Variants in COG3 observed in about 807,000 individuals in gnomAD.
The protein encoded by COG3 is component of oligomeric golgi complex 3.
Under a neutral mutation model 114.1 loss-of-function variants are expected in COG3, and 32 were observed. That is an observed-to-expected ratio of 0.28 (90% CI 0.21 to 0.38). The LOEUF (loss-of-function observed/expected upper bound fraction) is 0.38, where lower values mean the gene tolerates loss of function less well. Among genes scored for constraint, COG3 ranks in the 10% least tolerant of loss-of-function variants. The pLI is 1.00. For synonymous variants in COG3, 352 were observed against 365.7 expected, an observed-to-expected ratio of 0.96 and a Z score of 0.43; for missense variants, 813 against 973.2, an observed-to-expected ratio of 0.84 and a Z score of 2.19.
At chr13:45,523,307 A>T (rs538509437) in intron 19 of COG3, among the ~76,000 whole-genome samples, 3 of 152,008 alleles carry the variant, frequency 2.0e-5, no homozygotes, top group Admixed American at 6.5e-5. Context: ...ATAAACTTAA[A>T]TTTTTTTTCT....
Position 45,534,311 on chromosome 13 carries a change from G to A in COG3, c.2458-391G>A, listed in dbSNP as rs150409743. 7.2e-5 allele frequency among the ~76,000 whole-genome samples: 11 copies of A among 152,322 alleles called. No homozygotes were observed. The East Asian group carries it at 1.7e-3, about 24-fold the overall frequency. On this transcript the variant is annotated intron_variant, in intron 22 of 22. Transcript: ENST00000349995. ...TGCCATTATTCTCATTGGATTTTAA[G>A]TGATTTGATGGCCTAGGTTTGGTGA...
At chr13:45,473,955 C>T (rs941344570) in intron 1 of COG3, among the ~76,000 whole-genome samples, 2 of 152,228 alleles carry the variant, frequency 1.3e-5, no homozygotes, top group South Asian at 2.1e-4. Flanking sequence ...GATTGTGTTA[C>T]CATTCAGAAA....
intron 13 of COG3, among the ~76,000 whole-genome samples, chr13:45,502,205 T>C (rs1480262714): frequency 6.6e-6 from 1 of 152,220 alleles, no homozygotes; most frequent in Non-Finnish European, 1.5e-5. Flanking sequence ...ATCTAGTGAA[T>C]GGTGCTCCCT....
At chr13:45,519,713 T>C (rs1293436461) in intron 19 of COG3, among the ~76,000 whole-genome samples, 1 of 152,192 alleles carries the variant, frequency 6.6e-6, no homozygotes, top group East Asian at 1.9e-4. Flanking sequence ...ATGTTGAACG[T>C]TGAAGGAACG....
intron 20 of COG3, among the ~76,000 whole-genome samples, chr13:45,526,976 G>C (rs995611365): frequency 2.0e-5 from 3 of 152,182 alleles, no homozygotes; most frequent in Non-Finnish European, 4.4e-5. Context: ...ATAGGGCTTA[G>C]TTAGAAATAG....
chr13:45,535,083 C>T lies in COG3; in HGVS notation c.*352C>T, dbSNP rs1233142129. The T allele has an allele frequency of 9.5e-7, 1 of 1,050,524 alleles. No individual in the cohort carries two copies. 65.1% of individuals were successfully genotyped at this position (1,050,524 alleles called of 1,614,324 possible). On this transcript the variant is annotated 3_prime_UTR_variant, in exon 23 of 23. Coordinates refer to ENST00000349995, the MANE Select transcript of COG3 (RefSeq NM_031431.4). ...ACAATAAGTAGTGCAAAGAACTTTA[C>T]AGAAATCAAGCGAATTAGAAGGCCT... is the stretch of plus-strand genomic sequence containing the variant.
At chr13:45,502,092 G>A (rs1206558142) in intron 13 of COG3, among the ~76,000 whole-genome samples, 2 of 152,056 alleles carry the variant, frequency 1.3e-5, no homozygotes, top group East Asian at 1.9e-4. Context: ...TTGGTATTGC[G>A]GATAACAACA....
At position 45,525,005 on chromosome 13, in the gene COG3, G is replaced by C; in HGVS notation, c.2184G>C (p.Gln728His). The change falls in exon 20 of 23, where the codon CAG (glutamine) becomes CAC (histidine). Residue 728 changes from glutamine (Q) to histidine (H), a missense_variant. Gln to His is a conservative substitution (Grantham distance 24). Around this residue, in one of 2 missense-constraint regions of COG3, gnomAD observed 389 missense variants for 542.6 expected, o/e 0.72. Coordinates refer to ENST00000349995, the MANE Select transcript of COG3 (RefSeq NM_031431.4). ...CAGCGTTAAAAACAATGGCCAGTCA[G>C]GGAGGCCCCAAGTATACTCTCTCAC... ...KVSALKTMAS[Q>H]GGPKYTLSQQ... The C allele has an allele frequency of 6.2e-7, 1 of 1,613,838 alleles. No individual in the cohort carries two copies. The highest frequency in any genetic ancestry group is 8.5e-7 in the Non-Finnish European group (1 of 1,179,858).
chr13:45,483,325 A>G lies in COG3; in HGVS notation c.813A>G (p.Leu271=), dbSNP rs1284840947. ...TGAAGACATATACTGTGAACACACT[A>G]CAGACCCTCACAAGTCAGTTACTGA... ...HLMKTYTVNT[L]QTLTSQLLKR... Residue 271 remains leucine (L), a synonymous_variant, in exon 7 of 23, where the codon CTA becomes CTG. Transcript: ENST00000349995. 5.6e-6 allele frequency: 9 copies of G among 1,595,564 alleles called. No homozygotes were observed. The highest frequency in any genetic ancestry group is 6.8e-6 in the Non-Finnish European group (8 of 1,170,502).
At chr13:45,473,605 C>A (rs1299820014) in intron 1 of COG3, among the ~76,000 whole-genome samples, 1 of 152,116 alleles carries the variant, frequency 6.6e-6, no homozygotes, top group Non-Finnish European at 1.5e-5. Context: ...TAAACTTACT[C>A]TGTTGCTGCT....
At chr13:45,502,805 A>T (rs1210778304) in intron 13 of COG3, among the ~76,000 whole-genome samples, 1 of 152,100 alleles carries the variant, frequency 6.6e-6, no homozygotes, top group Non-Finnish European at 1.5e-5. Flanking sequence ...GAATTCCCAA[A>T]GTCCATTGTC....
In COG3 at chr13:45,535,428, T is replaced by TA; in HGVS notation, c.*698dup. The TA allele has an allele frequency of 2.0e-6, 2 of 985,464 alleles. No homozygotes were observed. The highest frequency in any genetic ancestry group is 4.7e-5 in the South Asian group (1 of 21,284). 61.0% of individuals were successfully genotyped at this position (985,464 alleles called of 1,614,324 possible). ...GGAGCTGCAGCATTCTCATCATAGA[T>TA]ACGTGCAGTATCTTTAATGAGTATC... On this transcript the variant is annotated 3_prime_UTR_variant, in exon 23 of 23. Coordinates refer to ENST00000349995, the MANE Select transcript of COG3 (RefSeq NM_031431.4).
intron 7 of COG3, 123 bp from the exon 8 acceptor site, chr13:45,486,372 C>G (rs903000955): frequency 2.4e-6 from 1 of 420,804 alleles, no homozygotes; most frequent in Non-Finnish European, 4.5e-6. Flanking sequence ...GAGGGAGACT[C>G]TCCCTAAGCT....
chr13:45,525,255 G>T (rs1872559986), intron 20 of COG3, among the ~76,000 whole-genome samples: 1 of 151,944 alleles, frequency 6.6e-6, no homozygotes, highest in Non-Finnish European at 1.5e-5. Flanking sequence ...AAGGAAGGAA[G>T]AATTTTTTTT....
chr13:45,472,129 A>C (rs1166634315), intron 1 of COG3, among the ~76,000 whole-genome samples: 1 of 152,064 alleles, frequency 6.6e-6, no homozygotes, highest in Non-Finnish European at 1.5e-5. Context: ...TTCTTTTGGC[A>C]CTTTAAAGAT....
intron 14 of COG3, among the ~76,000 whole-genome samples, chr13:45,507,396 G>T (rs981693598): frequency 6.6e-6 from 1 of 151,964 alleles, no homozygotes; most frequent in East Asian, 1.9e-4. Flanking sequence ...AGTTAAATAG[G>T]AGTGGTGAGA....
intron 19 of COG3, among the ~76,000 whole-genome samples, chr13:45,522,227 T>C (rs1192644084): frequency 2.0e-5 from 3 of 151,788 alleles, no homozygotes; most frequent in Non-Finnish European, 4.4e-5. Context: ...TCGGTATTTA[T>C]CATTTGGGTG....
chr13:45,532,630 C>T (rs867507928), intron 22 of COG3, among the ~76,000 whole-genome samples: 17 of 132,302 alleles, frequency 1.3e-4, no homozygotes, highest in African/African-American at 2.4e-4. Context: ...AGTGCAGTGG[C>T]GTGATCTCGG....
intron 13 of COG3, among the ~76,000 whole-genome samples, chr13:45,497,374 G>A (rs945072603): frequency 2.0e-5 from 3 of 152,156 alleles, no homozygotes; most frequent in Admixed American, 1.3e-4. Context: ...AGTAGAAACT[G>A]TAATATGATG....
Sources: gnomAD v4.1 joint callset for allele counts (sites outside exome capture counted in the v4.1 genomes callset) on GRCh38, gnomAD v4.1.1 for gene constraint, gnomAD v4.1.1 regional missense constraint, MANE v1.5 for transcripts, NCBI Gene and HGNC (gene_info 2026-07-23, HGNC 2026-07-21) for gene names.